FLNB: variants seen among roughly 807,000 people sequenced by gnomAD.
FLNB encodes the protein filamin B.
A neutral mutation model predicts 250.6 loss-of-function variants in FLNB; 111 were observed. The ratio of observed to expected loss-of-function variants is 0.44; its 90% CI spans 0.38 to 0.52. The LOEUF is 0.52. Among genes scored for constraint, FLNB ranks in the 20% least tolerant of loss-of-function variants. The pLI, the probability that FLNB is intolerant of heterozygous loss-of-function variation, is 0.00. For missense variants in FLNB, 2,869 were observed against 3,447.8 expected (o/e 0.83, Z 4.20); for synonymous variants, 1,302 against 1,372.1 (o/e 0.95, Z 1.13).
chr3:58,136,746 C>CTTTTTTTTTTTTTTTT (rs57053256), intron 28 of FLNB, among the ~76,000 whole-genome samples: 7 of 79,816 alleles, frequency 8.8e-5, no homozygotes, highest in East Asian at 4.7e-4. Context: ...ACAGGCCATT[C>CTTTTTTTTTTTTTTTT]TTTTTTTTTT....
At chr3:58,130,975 G>A in intron 25 of FLNB, 67 bp downstream of exon 25, 2 of 1,481,428 alleles carry the variant, frequency 1.4e-6, no homozygotes, top group South Asian at 2.4e-5. Flanking sequence ...GTAACCCAGA[G>A]CAGATGCTTT....
At chr3:58,120,507 T>C (rs2097286867) in intron 19 of FLNB, among the ~76,000 whole-genome samples, 1 of 152,202 alleles carries the variant, frequency 6.6e-6, no homozygotes. Flanking sequence ...TAAAGTCCTT[T>C]CCCTGTTCTT....
chr3:58,067,114 G>T (rs988848619), intron 1 of FLNB, among the ~76,000 whole-genome samples: 1 of 152,150 alleles, frequency 6.6e-6, no homozygotes, highest in Non-Finnish European at 1.5e-5. Flanking sequence ...CATGCCCAGG[G>T]CAGGCATTGC....
In FLNB at chr3:58,132,372, C is replaced by T. The variant is rs532595609; in HGVS notation, c.4391-436C>T. 349 of 409,388 alleles carry T rather than the reference C, an allele frequency of 8.5e-4. 4 individuals carry two copies. Among genetic ancestry groups the T allele is most frequent in the African/African-American group, 6.8e-3 (334 of 49,424 alleles). 25.4% of individuals were successfully genotyped at this position (409,388 alleles called of 1,614,324 possible). ...GCTCAAAGGTGGCCACAAGTCTTGA[C>T]TAGCCAGCCCATTGGTTAATTTTTG... On this transcript the variant is annotated intron_variant, in intron 25 of 45. Coordinates refer to ENST00000295956, the MANE Select transcript of FLNB (RefSeq NM_001457.4).
At chr3:58,067,910 T>C (rs2097188236) in intron 1 of FLNB, among the ~76,000 whole-genome samples, 2 of 151,918 alleles carry the variant, frequency 1.3e-5, no homozygotes, top group African/African-American at 2.4e-5. Context: ...ACAAAAACAG[T>C]TGTGGAAAGC....
rs148859427 is a variant in FLNB at position 58,057,267 on chromosome 3, A to T, written c.293-19779A>T. On this transcript the variant is annotated intron_variant, in intron 1 of 45. Coordinates refer to ENST00000295956, the MANE Select transcript of FLNB (RefSeq NM_001457.4). ...CCGGGATTACAGGCATGAATGAGCC[A>T]CCATGCCTGGCCTGCAACTTCTATA... 6.4e-4 allele frequency among the ~76,000 whole-genome samples: 98 copies of T among 152,340 alleles called. 1 individual carries two copies. The East Asian group carries it at 0.015, about 24-fold the overall frequency.
chr3:58,169,819 T>C lies in FLNB; in HGVS notation c.7621+26T>C. 1.3e-6 allele frequency: 1 copy of C among 762,970 alleles called. No individual in the cohort carries two copies. The highest frequency in any genetic ancestry group is 2.2e-6 in the Non-Finnish European group (1 of 458,998). The allele number at this position is 762,970 out of a possible 1,614,324, so 47.3% of individuals were successfully genotyped here. On this transcript the variant is annotated intron_variant, in intron 45 of 45. Transcript: ENST00000295956. This position sits in a 1 kb window ranked among gnomAD's most constrained non-coding sequence, Gnocchi z 4.8. ...GTAGGTGTCTGGGCCTTTTCAAGGGTGGGGTGGGGCAGGGGCAGGCTGGGC... is the reference window on the plus strand; with the variant it reads ...GTAGGTGTCTGGGCCTTTTCAAGGGCGGGGTGGGGCAGGGGCAGGCTGGGC...
chr3:58,138,317 G>A lies in FLNB; in HGVS notation c.4897G>A (p.Glu1633Lys), dbSNP rs778264831. Reference sequence around the variant, plus strand: ...CGCCTCCACTGTGAAAACTGGCGAAGAAGTAGGCTTTGTGGTTGATGCCAA... The same window carrying A: ...CGCCTCCACTGTGAAAACTGGCGAAAAAGTAGGCTTTGTGGTTGATGCCAA... ...GIASTVKTGE[E>K]VGFVVDAKTA... is the part of the protein sequence containing the mutation. The change falls in exon 29 of 46, where the codon GAA becomes AAA. Residue 1633 changes from glutamate to lysine, a missense_variant. By Grantham distance (56) the Glu-to-Lys change is moderately conservative. This residue lies in a region of FLNB where 1,084 missense variants were observed against 1,315.5 expected (regional missense o/e 0.82). Coordinates refer to ENST00000295956, the MANE Select transcript of FLNB (RefSeq NM_001457.4). 5.0e-6 allele frequency: 8 copies of A among 1,614,102 alleles called. No homozygotes were observed. The highest frequency in any genetic ancestry group is 5.9e-6 in the Non-Finnish European group (7 of 1,180,062).
chr3:58,112,231 C>T lies in FLNB; in HGVS notation c.2658C>T (p.Ser886=). Residue 886 remains serine (S), a synonymous_variant, in exon 18 of 46, where the codon AGC becomes AGT. Transcript: ENST00000295956. The stretch of plus-strand genomic sequence containing the variant: ...CCCCGCTCAACGTGCAGTTCAACAG[C>T]CCTCTTCCTGGCGATGCAGTGAAGG... The part of the protein sequence containing the change: ...GKAPLNVQFN[S]PLPGDAVKDL... The T allele has an allele frequency of 6.2e-7, 1 of 1,614,042 alleles. No homozygotes were observed. The highest frequency in any genetic ancestry group is 8.5e-7 in the Non-Finnish European group (1 of 1,179,902).
intron 1 of FLNB, among the ~76,000 whole-genome samples, chr3:58,020,665 A>C (rs561087952): frequency 6.6e-6 from 1 of 151,344 alleles, no homozygotes; most frequent in East Asian, 2.0e-4. Flanking sequence ...GAGTATTTTC[A>C]TAAGGCTGTC....
At chr3:58,027,960 G>T (rs1576603679) in intron 1 of FLNB, among the ~76,000 whole-genome samples, 2 of 152,188 alleles carry the variant, frequency 1.3e-5, no homozygotes, top group African/African-American at 4.8e-5. Context: ...CTCTCTTTTG[G>T]TTAAAAAGGG....
intron 27 of FLNB, among the ~76,000 whole-genome samples, chr3:58,135,093 A>G (rs1000682525): frequency 2.0e-5 from 3 of 152,190 alleles, no homozygotes; most frequent in African/African-American, 7.2e-5. Flanking sequence ...GGGTTCAAGC[A>G]GTCTGCCTGC....
At position 58,138,402 on chromosome 3, in the gene FLNB, A is replaced by C. The variant is rs754555151; in HGVS notation, c.4982A>C (p.Glu1661Ala). 1 of 1,614,250 alleles carries C rather than the reference A, an allele frequency of 6.2e-7. No homozygotes were observed. Among genetic ancestry groups the C allele is most frequent in the Admixed American group, 1.7e-5 (1 of 60,036 alleles). The change falls in exon 29 of 46, where the codon GAG (glutamate) becomes GCG (alanine). Residue 1661 changes from glutamate (E) to alanine (A), a missense_variant. Physicochemically the swap from Glu to Ala is moderately radical, Grantham distance 107. Around this residue, in one of 5 missense-constraint regions of FLNB, gnomAD observed 1,084 missense variants for 1,315.5 expected, o/e 0.82. Transcript: ENST00000295956. ...TVLTPDGTEAEADVIENEDGT... is the reference protein window; with the variant it reads ...TVLTPDGTEAAADVIENEDGT... Reference sequence around the variant, plus strand: ...CTGACCCCAGATGGCACTGAGGCCGAGGCCGATGTCATTGAGAATGAAGAT... The same window carrying C: ...CTGACCCCAGATGGCACTGAGGCCGCGGCCGATGTCATTGAGAATGAAGAT...
At chr3:58,125,471 A>G in intron 22 of FLNB, 110 bp from the exon 23 acceptor site, 1 of 1,254,834 alleles carries the variant, frequency 8.0e-7, no homozygotes, top group African/African-American at 1.5e-5. Flanking sequence ...CAAATAACAT[A>G]GTATAGCATG....
chr3:58,076,941 G>A (rs1383847808), intron 1 of FLNB, 105 bp from the exon 2 acceptor site: 9 of 1,318,218 alleles, frequency 6.8e-6, no homozygotes, highest in Admixed American at 3.4e-5. Flanking sequence ...AAATATCTCA[G>A]TATGGTTCTC....
In FLNB at chr3:58,123,694, G is replaced by T; in HGVS notation, c.3724+4G>T. On this transcript the variant is annotated splice_donor_region_variant and intron_variant, in intron 21 of 45. Coordinates refer to ENST00000295956, the MANE Select transcript of FLNB (RefSeq NM_001457.4). The stretch of plus-strand genomic sequence containing the variant: ...GGACCAGGAATAGAAGGGAAAGGTG[G>T]GTTTCATTTAAAAAAAAAAAAAAAA... The T allele has an allele frequency of 1.3e-6, 2 of 1,506,738 alleles. No homozygotes were observed. The highest frequency in any genetic ancestry group is 1.8e-6 in the Non-Finnish European group (2 of 1,105,860). 93.3% of individuals were successfully genotyped at this position (1,506,738 alleles called of 1,614,324 possible).
At chr3:58,168,745 T>G in intron 44 of FLNB, 87 bp downstream of exon 44, 25 of 970,164 alleles carry the variant, frequency 2.6e-5, no homozygotes, top group Non-Finnish European at 3.8e-5. Flanking sequence ...ATGGATGGTT[T>G]TAGATGTGTT....
intron 19 of FLNB, 144 bp downstream of exon 19, chr3:58,119,133 T>C: frequency 1.4e-6 from 1 of 731,244 alleles, no homozygotes; most frequent in South Asian, 1.5e-5. Context: ...TGGTTCGAAT[T>C]AAGGCCGTGG....
chr3:58,033,826 A>G (rs112654490), intron 1 of FLNB, among the ~76,000 whole-genome samples: 4,592 of 152,144 alleles, frequency 0.03, 223 homozygotes, highest in African/African-American at 0.1. Flanking sequence ...TTTTGTTTAT[A>G]CATCCTTCTG....
Sources: allele counts gnomAD v4.1 joint callset (sites outside exome capture counted in the v4.1 genomes callset), GRCh38; gene constraint gnomAD v4.1.1; regional missense constraint gnomAD v4.1.1; non-coding constraint Gnocchi (gnomAD v3.1); transcripts MANE v1.5; gene names NCBI Gene and HGNC (gene_info 2026-07-23, HGNC 2026-07-21).